PUDP: variants seen among roughly 807,000 people sequenced by gnomAD.
The protein encoded by PUDP is pseudouridine 5'-phosphatase.
Under a neutral mutation model 9.4 loss-of-function variants are expected in PUDP, and 8 were observed. The ratio of observed to expected loss-of-function variants is 0.85; its 90% CI spans 0.50 to 1.53. The LOEUF is 1.53. Among genes scored for constraint, PUDP ranks in the 40% most tolerant of loss-of-function variants. The pLI is 0.00. For missense variants in PUDP, 188 were observed against 189.7 expected, an observed-to-expected ratio of 0.99 and a Z score of 0.05; for synonymous variants, 99 against 80.7, an observed-to-expected ratio of 1.23 and a Z score of -1.22.
intron 3 of PUDP, among the ~76,000 whole-genome samples, chrX:6,885,364 G>A (rs778529296): frequency 8.9e-6 from 1 of 111,971 alleles, no homozygotes; most frequent in East Asian, 2.8e-4. Context: ...TTTCGCCTCT[G>A]GTGGTGGAGT....
intron 1 of PUDP, among the ~76,000 whole-genome samples, chrX:7,002,425 CTT>C (rs2146810024): frequency 8.9e-6 from 1 of 111,865 alleles, no homozygotes; most frequent in East Asian, 2.8e-4. Flanking sequence ...TTTTCACCGA[CTT>C]TGAGAATATT....
chrX:6,869,333 A>G (rs969515737), intron 3 of PUDP, among the ~76,000 whole-genome samples: 1 of 112,096 alleles, frequency 8.9e-6, no homozygotes, highest in Non-Finnish European at 1.9e-5. Flanking sequence ...TACGGCCTCA[A>G]TGAGGAAGAC....
At chrX:7,135,645 A>G (rs994076738) in intron 1 of PUDP, among the ~76,000 whole-genome samples, 1 of 112,367 alleles carries the variant, frequency 8.9e-6, no homozygotes, top group Non-Finnish European at 1.9e-5. Flanking sequence ...CATGCTTTAC[A>G]TTCTTGTCTC....
Position 6,876,974 on chromosome X carries a change from C to CACACACACAT in PUDP, c.*247+100158_*247+100159insATGTGTGTGT, listed in dbSNP as rs538914519. Among the ~76,000 whole-genome samples, 421 of 107,361 alleles carry CACACACACAT rather than the reference C, an allele frequency of 3.9e-3. 7 individuals carry two copies. The highest frequency in any genetic ancestry group is 0.027 in the Admixed American group (274 of 10,082). The allele number at this position is 107,361 out of a possible 115,157, so 93.2% of individuals were successfully genotyped here. ...GTACACACACACACACACACACACACACATAACACTTTAGATGCAGGGTCT... is the reference window on the plus strand; with the variant it reads ...GTACACACACACACACACACACACACACACACACATACATAACACTTTAGATGCAGGGTCT... On this transcript the variant is annotated intron_variant and NMD_transcript_variant, in intron 3 of 3. Transcript: ENST00000655425.
intron 3 of PUDP, among the ~76,000 whole-genome samples, chrX:7,065,612 G>A (rs1439342587): frequency 1.8e-5 from 2 of 112,289 alleles, no homozygotes; most frequent in African/African-American, 6.5e-5. Context: ...CCCTATTCTA[G>A]TTTGGGTGAG....
chrX:6,724,156 A>G (rs1438381494), upstream of PUDP, among the ~76,000 whole-genome samples: 1 of 111,646 alleles, frequency 9.0e-6, no homozygotes, highest in Non-Finnish European at 1.9e-5. Flanking sequence ...AACCTCACGT[A>G]TAATGTAATT....
intron 3 of PUDP, among the ~76,000 whole-genome samples, chrX:6,783,270 T>C (rs1925593959): frequency 8.9e-6 from 1 of 112,000 alleles, no homozygotes; most frequent in Non-Finnish European, 1.9e-5. Flanking sequence ...GCAGAGCACT[T>C]TTCCCCATGA....
chrX:7,103,230 A>C (rs758276180), intron 2 of PUDP, among the ~76,000 whole-genome samples: 10 of 112,283 alleles, frequency 8.9e-5, no homozygotes, highest in African/African-American at 3.2e-4. Context: ...ATAGAATAGA[A>C]TAGATAGCCC....
rs769350106 is a variant in PUDP at position 6,864,658 on chromosome X, TG to T, written c.*247+112474del. On this transcript the variant is annotated intron_variant and NMD_transcript_variant, in intron 3 of 3. Transcript: ENST00000655425. ...GTAAAGACGTTCATTCTGGAGGCTC[TG>T]GGGGGAATGTATTTCCTGGGTTTTT... Among the ~76,000 whole-genome samples, 216 of 112,048 alleles carry T rather than the reference TG, an allele frequency of 1.9e-3. 1 individual carries two copies. The highest frequency in any genetic ancestry group is 3.3e-3 in the Non-Finnish European group (173 of 53,167).
chrX:7,110,159 C>CG (rs1375477792), intron 1 of PUDP, among the ~76,000 whole-genome samples: 1 of 111,964 alleles, frequency 8.9e-6, no homozygotes, highest in African/African-American at 3.2e-5. Flanking sequence ...CCTGAGTTCC[C>CG]GGGGGCTTAT....
At chrX:7,023,886 T>C (rs1272258538) in intron 1 of PUDP, among the ~76,000 whole-genome samples, 1 of 112,378 alleles carries the variant, frequency 8.9e-6, no homozygotes, top group East Asian at 2.8e-4. Flanking sequence ...CTCCTTTTAT[T>C]TCTCTCAAGA....
At chrX:6,879,488 C>T (rs951002482) in intron 3 of PUDP, among the ~76,000 whole-genome samples, 6 of 110,692 alleles carry the variant, frequency 5.4e-5, no homozygotes, top group African/African-American at 1.6e-4. Context: ...TGCATTGAGT[C>T]CAATGTAAGA....
chrX:6,822,346 C>T (rs192848215), intron 3 of PUDP, among the ~76,000 whole-genome samples: 5,180 of 112,452 alleles, frequency 0.046, 121 homozygotes, highest in East Asian at 0.14. Flanking sequence ...CATGAGGTCA[C>T]AGCCTCTCGT....
intron 3 of PUDP, among the ~76,000 whole-genome samples, chrX:6,752,859 T>C (rs1925119648): frequency 8.9e-6 from 1 of 111,938 alleles, no homozygotes; most frequent in South Asian, 3.8e-4. Context: ...CATTTTATTT[T>C]CTCAGGAATA....
intron 1 of PUDP, chrX:7,116,965 C>G (rs777720435): frequency 8.6e-7 from 1 of 1,164,843 alleles, no homozygotes; most frequent in Admixed American, 2.6e-5. Context: ...CTCCTGCTTA[C>G]CCGTCCACCG....
upstream of PUDP, among the ~76,000 whole-genome samples, chrX:6,722,322 G>C (rs1924683719): frequency 9.1e-6 from 1 of 109,403 alleles, no homozygotes; most frequent in Admixed American, 9.9e-5. Flanking sequence ...GCACGCGCCT[G>C]TAATCCCAGG....
chrX:6,905,421 T>C (rs1373804264), intron 3 of PUDP, among the ~76,000 whole-genome samples: 3 of 111,777 alleles, frequency 2.7e-5, no homozygotes, highest in Admixed American at 9.5e-5. Context: ...GGATAATCTA[T>C]AAAGGGAAGA....
chrX:6,731,773 G>C (rs1924811626), intron 3 of PUDP, among the ~76,000 whole-genome samples: 1 of 101,474 alleles, frequency 9.9e-6, no homozygotes, highest in Admixed American at 1.1e-4. Flanking sequence ...AGGGAGGGAG[G>C]GAGGGAAAAG....
intron 1 of PUDP, among the ~76,000 whole-genome samples, chrX:7,121,137 G>T (rs1291089642): frequency 8.9e-6 from 1 of 111,802 alleles, no homozygotes; most frequent in Non-Finnish European, 1.9e-5. Context: ...CCTCCATAAA[G>T]TTGTTTTAAA....
Sources: allele counts gnomAD v4.1 joint callset (sites outside exome capture counted in the v4.1 genomes callset), GRCh38; gene constraint gnomAD v4.1.1; transcripts MANE v1.5; gene names NCBI Gene and HGNC (gene_info 2026-07-23, HGNC 2026-07-21).